SLC13A5: variants seen among roughly 807,000 people sequenced by gnomAD.
The protein encoded by SLC13A5 is solute carrier family 13 member 5, also known as Na(+)/citrate cotransporter.
SLC13A5 carries 25 observed loss-of-function variants against 56.5 expected under a neutral mutation model. That is an observed-to-expected ratio of 0.44 (90% confidence interval 0.32 to 0.62). The LOEUF is 0.62. Among genes scored for constraint, SLC13A5 ranks in the 20% least tolerant of loss-of-function variants. The pLI is 0.04. For missense variants in SLC13A5, 649 were observed against 737.8 expected (o/e 0.88, Z 1.39); for synonymous variants, 307 against 301.5 (o/e 1.02, Z -0.19).
chr17:6,702,461 C>G (rs1973739611), intron 5 of SLC13A5, among the ~76,000 whole-genome samples: 1 of 152,234 alleles, frequency 6.6e-6, no homozygotes, highest in Admixed American at 6.5e-5. Context: ...CAGTGAATGA[C>G]CCAACCCCAG....
intron 11 of SLC13A5, 68 bp from the exon 12 acceptor site, chr17:6,686,406 A>AGGGTCGGCTCG: frequency 6.2e-7 from 1 of 1,601,688 alleles, no homozygotes; most frequent in Non-Finnish European, 8.5e-7. Context: ...AGGAGGACAA[A>AGGGTCGGCTCG]GGGTCGGCTC....
chr17:6,687,827 C>G lies in SLC13A5; in HGVS notation c.1438-161G>C. On this transcript the variant is annotated intron_variant, in intron 10 of 11. Transcript: ENST00000433363. The surrounding 1 kb of genome is among the most constrained non-coding windows in gnomAD (Gnocchi z 5.0). ...CCACGTCTCTGGCAGATAATTCCAC[C>G]TACGGAACACTGAAGGCTGAGGTCA... 1 of 875,614 alleles carries G rather than the reference C, an allele frequency of 1.1e-6. No homozygotes were observed. Among genetic ancestry groups the G allele is most frequent in the African/African-American group, 1.8e-5 (1 of 57,100 alleles). The allele number at this position is 875,614 out of a possible 1,614,324, so 54.2% of individuals were successfully genotyped here. A position where few individuals can be genotyped will look rare whatever the true frequency, so the allele number is the denominator to read the frequency against.
chr17:6,687,655 G>A lies in SLC13A5; in HGVS notation c.1449C>T (p.Ile483=), dbSNP rs769760541. Residue 483 remains isoleucine (I), a synonymous_variant, in exon 11 of 12, where the codon ATC becomes ATT. Coordinates refer to ENST00000433363, the MANE Select transcript of SLC13A5 (RefSeq NM_177550.5). This position sits in a 1 kb window ranked among gnomAD's most constrained non-coding sequence, Gnocchi z 5.0. ...LPIFASMSRS[I]GLNPLYIMLP... ...GCATGATGTACAGCGGATTGAGGCC[G>A]ATGGAGCGAGACTGCGGAAAAACAG... 2.1e-5 allele frequency: 34 copies of A among 1,603,236 alleles called. No individual in the cohort carries two copies. The East Asian group carries it at 3.6e-4, about 17-fold the overall frequency.
intron 11 of SLC13A5, 173 bp from the exon 12 acceptor site, chr17:6,686,511 G>GGC: frequency 1.4e-6 from 1 of 702,852 alleles, no homozygotes; most frequent in Non-Finnish European, 2.3e-6. Flanking sequence ...GGTATCCTCA[G>GGC]TGCTCAAGGC....
rs763190407 is a variant in SLC13A5 at position 6,701,082 on chromosome 17, A to C, written c.761T>G (p.Phe254Cys). 6.2e-7 allele frequency: 1 copy of C among 1,614,224 alleles called. No homozygotes were observed. ...SKDLVNFASW[F>C]AFAFPNMLVM... ...CAGCATGTTGGGAAAGGCAAATGCA[A>C]ACCAGGAAGCAAAGTTCACGAGGTC... is the stretch of plus-strand genomic sequence containing the variant. Residue 254 changes from phenylalanine (F) to cysteine (C), a missense_variant, in exon 6 of 12, where the codon TTT becomes TGT. Coordinates refer to ENST00000433363, the MANE Select transcript of SLC13A5 (RefSeq NM_177550.5). The surrounding 1 kb of genome is among the most constrained non-coding windows in gnomAD (Gnocchi z 4.1).
At chr17:6,691,530 G>A (rs1973405590) in intron 9 of SLC13A5, among the ~76,000 whole-genome samples, 2 of 152,210 alleles carry the variant, frequency 1.3e-5, no homozygotes, top group Non-Finnish European at 2.9e-5. Flanking sequence ...GTAAAAAGAG[G>A]AGAGGCCAAG....
chr17:6,697,638 C>T (rs140882689), intron 6 of SLC13A5, among the ~76,000 whole-genome samples: 1 of 152,212 alleles, frequency 6.6e-6, no homozygotes, highest in Non-Finnish European at 1.5e-5. Context: ...GAATATGTTG[C>T]AGAGCCAACA....
chr17:6,696,369 G>A (rs1973561239), intron 6 of SLC13A5, among the ~76,000 whole-genome samples: 4 of 152,204 alleles, frequency 2.6e-5, no homozygotes, highest in African/African-American at 9.7e-5. Flanking sequence ...GGAGATGCAG[G>A]GAGTGAGTAT....
At chr17:6,708,404 T>C (rs1055997596) in intron 1 of SLC13A5, among the ~76,000 whole-genome samples, 7 of 152,214 alleles carry the variant, frequency 4.6e-5, no homozygotes, top group Non-Finnish European at 8.8e-5. Flanking sequence ...CCACAACCAG[T>C]GCGTGACTCG....
rs1260287501 is a variant in SLC13A5, at chr17:6,692,286, C to CGGAT, written c.1275+757_1275+758insATCC. 2.7e-4 allele frequency among the ~76,000 whole-genome samples: 39 copies of CGGAT among 144,604 alleles called. No individual in the cohort carries two copies. The highest frequency in any genetic ancestry group is 8.6e-4 in the African/African-American group (32 of 37,288). 94.9% of individuals were successfully genotyped at this position (144,604 alleles called of 152,430 possible). A position where few individuals can be genotyped will look rare whatever the true frequency, so the allele number is the denominator to read the frequency against. On this transcript the variant is annotated intron_variant, in intron 9 of 11. Coordinates refer to ENST00000433363, the MANE Select transcript of SLC13A5 (RefSeq NM_177550.5). The surrounding 1 kb of genome is among the most constrained non-coding windows in gnomAD (Gnocchi z 5.5). ...ATGGATGGATGGATGGACGGATGGA[C>CGGAT]GGACGGATGGATGGATGAAGACATG...
chr17:6,707,154 A>C lies in SLC13A5; in HGVS notation c.105T>G (p.Phe35Leu). The part of the protein sequence containing the change: ...LPLVILMPAK[F>L]VRCAYVIILM... ...GGATGATGACGTAGGCACACCTGAC[A>C]AACTGAAGAGACAGTCCTGAGGCCT... The change falls in exon 2 of 12, where the codon TTT becomes TTG. Residue 35 changes from phenylalanine to leucine, a missense_variant and splice_region_variant. Physicochemically the swap from Phe to Leu is conservative, Grantham distance 22. Transcript: ENST00000433363. The C allele has an allele frequency of 6.2e-7, 1 of 1,613,870 alleles. No homozygotes were observed. Among genetic ancestry groups the C allele is most frequent in the Non-Finnish European group, 8.5e-7 (1 of 1,179,954 alleles).
chr17:6,706,745 G>A lies in SLC13A5; in HGVS notation c.265C>T (p.Leu89=), dbSNP rs1973877299. ...GCCACGATGAGGCCGCCCAGGAACA[G>A]CATGTTGGTGTCCTTCATGTACTGG... ...CVQYMKDTNM[L]FLGGLIVAVA... The change falls in exon 3 of 12, where the codon CTG becomes TTG. Residue 89 remains leucine, a synonymous_variant. Transcript: ENST00000433363. 2.5e-6 allele frequency: 4 copies of A among 1,614,124 alleles called. No individual in the cohort carries two copies. Among genetic ancestry groups the A allele is most frequent in the Non-Finnish European group, 3.4e-6 (4 of 1,180,014 alleles).
chr17:6,691,140 T>G (rs186951178), intron 9 of SLC13A5, among the ~76,000 whole-genome samples, 200 bp from the exon 10 acceptor site: 1 of 152,236 alleles, frequency 6.6e-6, no homozygotes, highest in Non-Finnish European at 1.5e-5. Context: ...TGGCCTACTA[T>G]GTGGATTTAC....
chr17:6,710,385 G>A (rs1160260358), intron 1 of SLC13A5, among the ~76,000 whole-genome samples: 3 of 152,154 alleles, frequency 2.0e-5, no homozygotes, highest in African/African-American at 7.2e-5. Flanking sequence ...GTCTTCATCT[G>A]CAAATCGTGG....
Position 6,706,718 on chromosome 17 carries a change from C to A in SLC13A5, c.292G>T (p.Val98Leu). 3.7e-6 allele frequency: 6 copies of A among 1,614,090 alleles called. No homozygotes were observed. Among genetic ancestry groups the A allele is most frequent in the Non-Finnish European group, 5.1e-6 (6 of 1,180,000 alleles). The part of the protein sequence containing the change: ...MLFLGGLIVA[V>L]AVERWNLHKR... ...TGCAGGTTCCAGCGCTCCACAGCCA[C>A]GGCCACGATGAGGCCGCCCAGGAAC... is the stretch of plus-strand genomic sequence containing the variant. Residue 98 changes from valine (V) to leucine (L), a missense_variant, in exon 3 of 12, where the codon GTG becomes TTG. Physicochemically the swap from Val to Leu is conservative, Grantham distance 32 (BLOSUM62 1). Coordinates refer to ENST00000433363, the MANE Select transcript of SLC13A5 (RefSeq NM_177550.5).
chr17:6,710,572 C>A (rs374919696), intron 1 of SLC13A5, among the ~76,000 whole-genome samples: 1 of 152,190 alleles, frequency 6.6e-6, no homozygotes, highest in African/African-American at 2.4e-5. Context: ...CCCCTCACCT[C>A]CGCGCCACTA....
rs944818236 is a variant in SLC13A5, at chr17:6,692,048, C to G, written c.1275+996G>C. ...AGTCTGCCACGAACAGGGACCGTAT[C>G]TCAATCTCCTCTGTAATCTCTGTGC... On this transcript the variant is annotated intron_variant, in intron 9 of 11. Coordinates refer to ENST00000433363, the MANE Select transcript of SLC13A5 (RefSeq NM_177550.5). The surrounding 1 kb of genome is among the most constrained non-coding windows in gnomAD (Gnocchi z 5.5). Among the ~76,000 whole-genome samples the G allele has an allele frequency of 6.6e-5, 10 of 152,182 alleles. No homozygotes were observed. Among genetic ancestry groups the G allele is most frequent in the African/African-American group, 2.4e-4 (10 of 41,428 alleles).
At position 6,713,104 on chromosome 17, in the gene SLC13A5, C is replaced by A. The variant is rs551816418; in HGVS notation, c.102+128G>T. The A allele has an allele frequency of 7.8e-6, 7 of 896,928 alleles. No individual in the cohort carries two copies. The South Asian group carries it at 1.1e-4, about 14-fold the overall frequency. The allele number at this position is 896,928 out of a possible 1,614,324, so 55.6% of individuals were successfully genotyped here. A position where few individuals can be genotyped will look rare whatever the true frequency, so the allele number is the denominator to read the frequency against. ...ATCCGGCACCTGGAGCTCCTGAGTG[C>A]GCGCGCCCCGGGAGAGCTGTGCTCC... On this transcript the variant is annotated intron_variant, in intron 1 of 11. Transcript: ENST00000433363. The surrounding 1 kb of genome is among the most constrained non-coding windows in gnomAD (Gnocchi z 7.3).
intron 6 of SLC13A5, among the ~76,000 whole-genome samples, chr17:6,699,503 C>T (rs890354113): frequency 2.6e-5 from 4 of 152,102 alleles, no homozygotes; most frequent in African/African-American, 7.2e-5. Flanking sequence ...CAGAGTCTTG[C>T]TCTGTCGCCC....
Sources: allele counts gnomAD v4.1 joint callset (sites outside exome capture counted in the v4.1 genomes callset), GRCh38; gene constraint gnomAD v4.1.1; non-coding constraint Gnocchi (gnomAD v3.1); transcripts MANE v1.5; gene names NCBI Gene and HGNC (gene_info 2026-07-23, HGNC 2026-07-21).